The following NR2F1 variants were observed in gnomAD, a reference collection of about 807,000 sequenced individuals.
NR2F1 encodes the protein nuclear receptor subfamily 2 group F member 1.
A neutral mutation model predicts 37.7 loss-of-function variants in NR2F1; 1 was observed. The observed-to-expected ratio is 0.03, with a 90% CI of 0.01 to 0.13. The LOEUF (loss-of-function observed/expected upper bound fraction) is 0.13. Ranked by LOEUF, NR2F1 falls within the 10% of genes least tolerant of loss-of-function variation. The probability of loss-of-function intolerance (pLI) is 1.00; values close to 1 mark genes in which losing one functional copy is unlikely to be tolerated. For missense variants in NR2F1, 268 were observed against 578.4 expected (o/e 0.46, Z 5.50); for synonymous variants, 275 against 259.6 (o/e 1.06, Z -0.57).
In NR2F1 at chr5:93,588,101, C is replaced by A; in HGVS notation, c.648C>A (p.Ile216=). 6.2e-7 allele frequency: 1 copy of A among 1,614,168 alleles called. No individual in the cohort carries two copies. Among genetic ancestry groups the A allele is most frequent in the Non-Finnish European group, 8.5e-7 (1 of 1,180,036 alleles). The change falls in exon 2 of 3, where the codon ATC becomes ATA. Residue 216 remains isoleucine (I), a synonymous_variant. Transcript: ENST00000327111. The part of the protein sequence containing the change: ...QCMQPNNIMG[I]ENICELAARL... The stretch of plus-strand genomic sequence containing the variant: ...TGCAGCCCAACAACATTATGGGCAT[C>A]GAGAACATCTGCGAGCTGGCCGCGC...
chr5:93,590,048 C>A (rs1174569316), intron 2 of NR2F1, among the ~76,000 whole-genome samples: 1 of 152,228 alleles, frequency 6.6e-6, no homozygotes, highest in Non-Finnish European at 1.5e-5. Context: ...AATAAGTCTT[C>A]TTGATGGAAA....
At position 93,593,660 on chromosome 5, in the gene NR2F1, C is replaced by A; in HGVS notation, c.1090C>A (p.Pro364Thr). 1 of 1,614,166 alleles carries A rather than the reference C, an allele frequency of 6.2e-7. No individual in the cohort carries two copies. Among genetic ancestry groups the A allele is most frequent in the African/African-American group, 1.3e-5 (1 of 75,044 alleles). ...CGTGAGGAGCCAGTACCCCAACCAG[C>A]CCAGCCGTTTTGGCAAACTGCTGCT... ...EYVRSQYPNQ[P>T]SRFGKLLLRL... is the part of the protein sequence containing the mutation. Residue 364 changes from proline to threonine, a missense_variant, in exon 3 of 3, where the codon CCC becomes ACC. Physicochemically the swap from Pro to Thr is conservative, Grantham distance 38. This residue lies in a region of NR2F1 where 99 missense variants were observed against 191.9 expected (regional missense o/e 0.52). Coordinates refer to ENST00000327111, the MANE Select transcript of NR2F1 (RefSeq NM_005654.6). The surrounding 1 kb of genome is among the most constrained non-coding windows in gnomAD (Gnocchi z 5.6).
At chr5:93,589,628 A>G (rs1055529824) in intron 2 of NR2F1, among the ~76,000 whole-genome samples, 8 of 152,264 alleles carry the variant, frequency 5.3e-5, no homozygotes, top group East Asian at 1.9e-4. Context: ...AGGCTTTCCA[A>G]TGGCCAAATT....
chr5:93,594,004 C>T lies in NR2F1; in HGVS notation c.*162C>T, dbSNP rs1753380761. Reference sequence around the variant, plus strand: ...AGGAGCAGCCCACCCAGCAGAAATACAATCCGAGCTACAAAGCATGGGAAA... The same window carrying T: ...AGGAGCAGCCCACCCAGCAGAAATATAATCCGAGCTACAAAGCATGGGAAA... On this transcript the variant is annotated 3_prime_UTR_variant, in exon 3 of 3. Coordinates refer to ENST00000327111, the MANE Select transcript of NR2F1 (RefSeq NM_005654.6). 1 of 616,624 alleles carries T rather than the reference C, an allele frequency of 1.6e-6. No homozygotes were observed. The highest frequency in any genetic ancestry group is 2.8e-6 in the Non-Finnish European group (1 of 352,824). The allele number at this position is 616,624 out of a possible 1,614,324, so 38.2% of individuals were successfully genotyped here.
rs927771691 is a variant in NR2F1, at chr5:93,593,485, T to C, written c.992-77T>C. The C allele has an allele frequency of 7.0e-7, 1 of 1,433,500 alleles. No individual in the cohort carries two copies. Among genetic ancestry groups the C allele is most frequent in the African/African-American group, 1.4e-5 (1 of 69,904 alleles). 88.8% of individuals were successfully genotyped at this position (1,433,500 alleles called of 1,614,324 possible). The stretch of plus-strand genomic sequence containing the variant: ...TTCTCCTTAAAAAAAATTGATGGCT[T>C]ATTTTGCCTTTGCTATTTGTCAGCC... On this transcript the variant is annotated intron_variant, in intron 2 of 2. Transcript: ENST00000327111. This position sits in a 1 kb window ranked among gnomAD's most constrained non-coding sequence, Gnocchi z 5.6.
rs1753378195 is a variant in NR2F1 at position 93,593,932 on chromosome 5, A to G, written c.*90A>G. ...CTCCAAAGCCGCGGGGACACCGGGA[A>G]GTGCAGCGGGCCAGGCAGGCTGGGT... On this transcript the variant is annotated 3_prime_UTR_variant, in exon 3 of 3. Transcript: ENST00000327111. The surrounding 1 kb of genome is among the most constrained non-coding windows in gnomAD (Gnocchi z 5.6). The G allele has an allele frequency of 1.6e-5, 22 of 1,350,992 alleles. No homozygotes were observed. Among genetic ancestry groups the G allele is most frequent in the Non-Finnish European group, 2.3e-5 (22 of 977,394 alleles). 83.7% of individuals were successfully genotyped at this position (1,350,992 alleles called of 1,614,324 possible). A position where few individuals can be genotyped will look rare whatever the true frequency, so the allele number is the denominator to read the frequency against.
Position 93,585,215 on chromosome 5 carries a change from C to T in NR2F1, c.192C>T (p.Pro64=), listed in dbSNP as rs747522225. The stretch of plus-strand genomic sequence containing the variant: ...GCCAGCCCGGAGCGCCCGCCACCCC[C>T]GGCACGGCGGGGGACAAGGGCCAGG... ...TPGQPGAPAT[P]GTAGDKGQGP... Residue 64 remains proline, a synonymous_variant, in exon 1 of 3, where the codon CCC becomes CCT. Coordinates refer to ENST00000327111, the MANE Select transcript of NR2F1 (RefSeq NM_005654.6). The T allele has an allele frequency of 4.4e-5, 68 of 1,544,244 alleles. No individual in the cohort carries two copies. In the African/African-American group the frequency reaches 8.0e-4, roughly 18 times the overall value.
rs1348696753 is a variant in NR2F1 at position 93,585,553 on chromosome 5, C to T, written c.463+67C>T. The T allele has an allele frequency of 3.0e-6, 4 of 1,350,958 alleles. No individual in the cohort carries two copies. The East Asian group carries it at 7.3e-5, about 25-fold the overall frequency. 83.7% of individuals were successfully genotyped at this position (1,350,958 alleles called of 1,614,324 possible). On this transcript the variant is annotated intron_variant, in intron 1 of 2. Transcript: ENST00000327111. ...CCTCCCTGGCTCTTTCTTTCTTTCT[C>T]GCCCGGGTGGTTGCTGTGTGGGGCT...
rs946052778 is a variant in NR2F1, at chr5:93,584,171, CGCGGGCGGCCCCG to C, written c.-850_-838del. On this transcript the variant is annotated 5_prime_UTR_variant, in exon 1 of 3. Coordinates refer to ENST00000327111, the MANE Select transcript of NR2F1 (RefSeq NM_005654.6). ...GCTCCCGCCGGGACAGCGGCGGCGC[CGCGGGCGGCCCCG>C]GCCTCCGCTCGCGCTCCGGCTGCGG... The C allele has an allele frequency of 4.7e-5, 7 of 148,938 alleles. No individual in the cohort carries two copies. Among genetic ancestry groups the C allele is most frequent in the African/African-American group, 1.5e-4 (6 of 41,094 alleles). 9.2% of individuals were successfully genotyped at this position (148,938 alleles called of 1,614,324 possible). A position where few individuals can be genotyped will look rare whatever the true frequency, so the allele number is the denominator to read the frequency against.
chr5:93,588,526 C>T lies in NR2F1; in HGVS notation c.991+82C>T, dbSNP rs1753271935. 7.7e-6 allele frequency: 8 copies of T among 1,040,536 alleles called. No homozygotes were observed. The South Asian group carries it at 3.7e-4, about 48-fold the overall frequency. 64.5% of individuals were successfully genotyped at this position (1,040,536 alleles called of 1,614,324 possible). ...GCCGCCCGGGCCTGGCCTTCGGAGC[C>T]TCCCGCGCGGCCGGTGCGGGGCGGG... On this transcript the variant is annotated intron_variant, in intron 2 of 2. Coordinates refer to ENST00000327111, the MANE Select transcript of NR2F1 (RefSeq NM_005654.6).
intron 1 of NR2F1, among the ~76,000 whole-genome samples, chr5:93,586,873 CTT>C (rs962845276): frequency 3.3e-5 from 5 of 152,060 alleles, no homozygotes; most frequent in Non-Finnish European, 5.9e-5. Flanking sequence ...TCAAAGCAAA[CTT>C]AAGAAAATAG....
At chr5:93,585,903 G>A (rs1753224281) in intron 1 of NR2F1, among the ~76,000 whole-genome samples, 1 of 151,948 alleles carries the variant, frequency 6.6e-6, no homozygotes, top group Non-Finnish European at 1.5e-5. Context: ...CTCTGTTTCT[G>A]TGGTTTTTTT....
intron 2 of NR2F1, among the ~76,000 whole-genome samples, chr5:93,592,429 G>A (rs1309609632): frequency 2.6e-5 from 4 of 151,866 alleles, no homozygotes; most frequent in Non-Finnish European, 5.9e-5. Context: ...ACTAGGAGAG[G>A]ATGCCTTTAC....
rs1753173498 is a variant in NR2F1, at chr5:93,583,862, T to G, written c.-1162T>G. ...TTTATTTTTTCTATTTCGCTGTGAT[T>G]TCGTCGCCGGCGTGAATTATCCCGT... On this transcript the variant is annotated 5_prime_UTR_variant, in exon 1 of 3. In the 5' UTR this introduces an upstream ATG that the reference lacks. Transcript: ENST00000327111. 6.6e-6 allele frequency: 1 copy of G among 152,512 alleles called. No homozygotes were observed. The highest frequency in any genetic ancestry group is 6.5e-5 in the Admixed American group (1 of 15,280). 9.4% of individuals were successfully genotyped at this position (152,512 alleles called of 1,614,324 possible). A position where few individuals can be genotyped will look rare whatever the true frequency, so the allele number is the denominator to read the frequency against.
At chr5:93,590,015 C>T (rs1031887209) in intron 2 of NR2F1, among the ~76,000 whole-genome samples, 1 of 152,208 alleles carries the variant, frequency 6.6e-6, no homozygotes, top group South Asian at 2.1e-4. Context: ...TAGCCTCCTC[C>T]GTATTTGAAT....
rs1368868882 is a variant in NR2F1, at chr5:93,583,351, CT to C, written c.-1672del. The C allele has an allele frequency of 5.7e-4, 85 of 150,414 alleles. No homozygotes were observed. The highest frequency in any genetic ancestry group is 1.9e-3 in the African/African-American group (77 of 40,732). 9.3% of individuals were successfully genotyped at this position (150,414 alleles called of 1,614,324 possible). A position where few individuals can be genotyped will look rare whatever the true frequency, so the allele number is the denominator to read the frequency against. ...TCTCTCTCTCTCCTCTTTCTCCCCC[CT>C]CTCTCCCTCCTCTCCTCTCTCTCTC... On this transcript the variant is annotated 5_prime_UTR_variant, in exon 1 of 3. Transcript: ENST00000327111.
Position 93,585,103 on chromosome 5 carries a change from C to T in NR2F1, c.80C>T (p.Ala27Val). 2 of 992,638 alleles carry T rather than the reference C, an allele frequency of 2.0e-6. No individual in the cohort carries two copies. Among genetic ancestry groups the T allele is most frequent in the Non-Finnish European group, 1.2e-6 (1 of 838,098 alleles). 61.5% of individuals were successfully genotyped at this position (992,638 alleles called of 1,614,324 possible). ...AACCCCGGCGGCCCCAACCCCGCAGCGCAGGCGGCCCGCGGCGGCGGCGGC... is the reference window on the plus strand; with the variant it reads ...AACCCCGGCGGCCCCAACCCCGCAGTGCAGGCGGCCCGCGGCGGCGGCGGC... Reference protein sequence around the residue: ...GGNPGGPNPAAQAARGGGGGA... With the variant: ...GGNPGGPNPAVQAARGGGGGA... Residue 27 changes from alanine to valine, a missense_variant, in exon 1 of 3, where the codon GCG becomes GTG. Ala to Val is a moderately conservative substitution (Grantham distance 64, BLOSUM62 0). Transcript: ENST00000327111.
chr5:93,588,428 C>T lies in NR2F1; in HGVS notation c.975C>T (p.Ile325=). The change falls in exon 2 of 3, where the codon ATC becomes ATT. Residue 325 remains isoleucine (I), a synonymous_variant. Coordinates refer to ENST00000327111, the MANE Select transcript of NR2F1 (RefSeq NM_005654.6). The part of the protein sequence containing the change: ...DSAEYSCLKA[I]VLFTSDACGL... ...CCGAGTACAGCTGCCTCAAAGCCAT[C>T]GTGCTGTTCACGTCAGGTGAGGCTG... 6.2e-7 allele frequency: 1 copy of T among 1,606,242 alleles called. No homozygotes were observed. Among genetic ancestry groups the T allele is most frequent in the East Asian group, 2.2e-5 (1 of 44,684 alleles).
At chr5:93,585,555 C>A in intron 1 of NR2F1, 69 bp downstream of exon 1, 1 of 1,334,796 alleles carries the variant, frequency 7.5e-7, no homozygotes, top group Non-Finnish European at 1.0e-6. Context: ...TTCTTTCTCG[C>A]CCGGGTGGTT....
Sources: gnomAD v4.1 joint callset for allele counts (sites outside exome capture counted in the v4.1 genomes callset) on GRCh38, gnomAD v4.1.1 for gene constraint, gnomAD v4.1.1 regional missense constraint, Gnocchi (gnomAD v3.1) non-coding constraint, MANE v1.5 for transcripts, NCBI Gene and HGNC (gene_info 2026-07-23, HGNC 2026-07-21) for gene names.